Variants in KAZN observed in about 807,000 individuals in gnomAD.
The protein encoded by KAZN is kazrin, periplakin interacting protein.
Under a neutral mutation model 87.4 loss-of-function variants are expected in KAZN, and 40 were observed. The observed-to-expected ratio is 0.46, with a 90% CI of 0.36 to 0.60. KAZN has a LOEUF of 0.60. KAZN is among the 20% of genes least tolerant of loss of function. The pLI is 0.00. For synonymous variants in KAZN, 466 were observed against 458.3 expected (o/e 1.02, Z -0.22); for missense variants, 898 against 1,073.9 (o/e 0.84, Z 2.29).
At chr1:14,634,374 G>A (rs947771865) in intron 1 of KAZN, among the ~76,000 whole-genome samples, 1 of 152,052 alleles carries the variant, frequency 6.6e-6, no homozygotes, top group South Asian at 2.1e-4. Flanking sequence ...TTTCATAACC[G>A]TACACGGAGA....
intron 2 of KAZN, among the ~76,000 whole-genome samples, chr1:14,200,897 C>G (rs979418512): frequency 1.3e-5 from 2 of 151,860 alleles, no homozygotes; most frequent in Non-Finnish European, 2.9e-5. Flanking sequence ...AAGCACCCAG[C>G]TGGCTGGCTC....
At chr1:14,215,109 G>A (rs1335709263) in intron 2 of KAZN, among the ~76,000 whole-genome samples, 2 of 152,142 alleles carry the variant, frequency 1.3e-5, no homozygotes, top group African/African-American at 4.8e-5. Flanking sequence ...TGTACATTAA[G>A]CATTTATCAA....
chr1:14,612,311 C>G (rs1388335182), intron 1 of KAZN, among the ~76,000 whole-genome samples: 1 of 152,198 alleles, frequency 6.6e-6, no homozygotes, highest in African/African-American at 2.4e-5. Flanking sequence ...GACCCGCGCT[C>G]TAACCCCTGA....
intron 1 of KAZN, among the ~76,000 whole-genome samples, chr1:14,038,659 G>A (rs1487390011): frequency 6.6e-6 from 1 of 152,174 alleles, no homozygotes; most frequent in Non-Finnish European, 1.5e-5. Flanking sequence ...GTCCTCGGGA[G>A]GGGTGCAGGG....
chr1:14,835,700 G>T (rs1647215060), intron 1 of KAZN, among the ~76,000 whole-genome samples: 1 of 152,154 alleles, frequency 6.6e-6, no homozygotes, highest in Admixed American at 6.5e-5. Flanking sequence ...GGAAATGGGA[G>T]CTGTGCTTCC....
intron 2 of KAZN, among the ~76,000 whole-genome samples, chr1:14,424,445 G>A (rs1557712414): frequency 6.6e-6 from 1 of 152,140 alleles, no homozygotes; most frequent in African/African-American, 2.4e-5. Flanking sequence ...TTTCACCAAT[G>A]TACACAGCTC....
intron 2 of KAZN, among the ~76,000 whole-genome samples, chr1:14,984,934 A>C (rs567322628): frequency 6.6e-6 from 1 of 151,844 alleles, no homozygotes; most frequent in South Asian, 2.1e-4. Flanking sequence ...TCAGGAGTTC[A>C]AGACCAGCCT....
At chr1:14,018,501 G>A (rs889517604) in intron 1 of KAZN, among the ~76,000 whole-genome samples, 3 of 152,038 alleles carry the variant, frequency 2.0e-5, no homozygotes, top group Non-Finnish European at 4.4e-5. Context: ...GTTAATTTTG[G>A]GTGTCAACAT....
intron 2 of KAZN, among the ~76,000 whole-genome samples, chr1:15,028,698 C>T (rs1276726100): frequency 6.6e-6 from 1 of 152,208 alleles, no homozygotes; most frequent in Non-Finnish European, 1.5e-5. Context: ...AGTTGTTCTT[C>T]ACCTGGCATT....
intron 1 of KAZN, among the ~76,000 whole-genome samples, chr1:14,042,614 C>T (rs931511739): frequency 2.0e-5 from 3 of 152,184 alleles, no homozygotes; most frequent in African/African-American, 7.2e-5. Context: ...TCTAGTTTCA[C>T]CCAAATTGTA....
intron 2 of KAZN, among the ~76,000 whole-genome samples, chr1:14,392,203 C>G (rs1307448718): frequency 6.6e-6 from 1 of 152,126 alleles, no homozygotes; most frequent in Non-Finnish European, 1.5e-5. Flanking sequence ...CAGAGAAGAC[C>G]ACAAAATTAT....
At chr1:14,978,081 G>C (rs1665844494) in intron 2 of KAZN, among the ~76,000 whole-genome samples, 2 of 152,078 alleles carry the variant, frequency 1.3e-5, no homozygotes, top group African/African-American at 2.4e-5. Context: ...ATTGAGGGCA[G>C]AGTTTCTGGT....
In KAZN at chr1:15,059,448, G is replaced by A. The variant is rs145744884; in HGVS notation, c.917-724G>A. The stretch of plus-strand genomic sequence containing the variant: ...CGAGGCTGCTGGGGTAGGCAGGGCC[G>A]TGGCACATCAGGCCACCTCGGAGGC... On this transcript the variant is annotated intron_variant, in intron 5 of 14. Transcript: ENST00000376030. Among the ~76,000 whole-genome samples, 152 of 152,332 alleles carry A rather than the reference G, an allele frequency of 1.0e-3. 1 individual carries two copies. Among genetic ancestry groups the A allele is most frequent in the Non-Finnish European group, 1.5e-3 (103 of 68,026 alleles).
At chr1:14,108,149 C>T (rs1477444052) in intron 1 of KAZN, among the ~76,000 whole-genome samples, 2 of 151,882 alleles carry the variant, frequency 1.3e-5, no homozygotes, top group Non-Finnish European at 2.9e-5. Context: ...TTTTTTGTAC[C>T]CCAAACTCCT....
At chr1:14,495,229 A>G (rs1669874054) in intron 2 of KAZN, among the ~76,000 whole-genome samples, 2 of 152,212 alleles carry the variant, frequency 1.3e-5, no homozygotes, top group African/African-American at 4.8e-5. Context: ...AGTAGATTTC[A>G]TTGAAGGTCA....
At chr1:14,891,231 GA>G (rs975929335) in intron 1 of KAZN, among the ~76,000 whole-genome samples, 1 of 152,104 alleles carries the variant, frequency 6.6e-6, no homozygotes, top group African/African-American at 2.4e-5. Flanking sequence ...CTTTAGTGGT[GA>G]TTTGTGAGAT....
intron 13 of KAZN, among the ~76,000 whole-genome samples, chr1:15,105,855 T>C (rs927244473): frequency 4.6e-5 from 7 of 152,224 alleles, no homozygotes; most frequent in South Asian, 4.1e-4. Context: ...AGCAGAATCA[T>C]TGAAGCTATT....
chr1:14,138,010 A>T (rs1277876080), intron 1 of KAZN, among the ~76,000 whole-genome samples: 1 of 152,170 alleles, frequency 6.6e-6, no homozygotes, highest in African/African-American at 2.4e-5. Flanking sequence ...AATGGGGATA[A>T]TAGTACGGGC....
intron 2 of KAZN, among the ~76,000 whole-genome samples, chr1:14,974,933 T>A (rs1665445974): frequency 6.6e-6 from 1 of 152,242 alleles, no homozygotes; most frequent in Non-Finnish European, 1.5e-5. Context: ...CATTGTATTT[T>A]ATTTAAAACC....
Sources: gnomAD v4.1 joint callset for allele counts (sites outside exome capture counted in the v4.1 genomes callset) on GRCh38, gnomAD v4.1.1 for gene constraint, MANE v1.5 for transcripts, NCBI Gene and HGNC (gene_info 2026-07-23, HGNC 2026-07-21) for gene names.